The following EEF1A2 variants were observed in gnomAD, a reference collection of about 807,000 sequenced individuals.
The protein encoded by EEF1A2 is elongation factor 1-alpha 2.
A neutral mutation model predicts 39.3 loss-of-function variants in EEF1A2; 5 were observed. The observed-to-expected ratio is 0.13, with a 90% CI of 0.07 to 0.27. The LOEUF (loss-of-function observed/expected upper bound fraction) is 0.27. Among genes scored for constraint, EEF1A2 ranks in the 10% least tolerant of loss-of-function variants. The pLI is 1.00. For synonymous variants in EEF1A2, 287 were observed against 293.7 expected (o/e 0.98, Z 0.23); for missense variants, 218 against 681.4 (o/e 0.32, Z 7.57).
At chr20:63,494,639 C>A (rs150386687) in intron 4 of EEF1A2, among the ~76,000 whole-genome samples, 166 bp downstream of exon 4, 4 of 152,324 alleles carry the variant, frequency 2.6e-5, no homozygotes, top group African/African-American at 9.6e-5. Flanking sequence ...GCATGGGGCT[C>A]CCCGCCGGGC....
intron 4 of EEF1A2, 53 bp from the exon 5 acceptor site, chr20:63,493,340 C>T (rs1022451392): frequency 9.0e-5 from 132 of 1,460,372 alleles, no homozygotes; most frequent in African/African-American, 2.8e-5. Context: ...GGCCTCCCCA[C>T]CCTCAGGCCT....
At position 63,498,370 on chromosome 20, in the gene EEF1A2, C is replaced by T. The variant is rs1420020856; in HGVS notation, c.-71-536G>A. The T allele has an allele frequency of 2.0e-5, 3 of 152,488 alleles. No homozygotes were observed. The highest frequency in any genetic ancestry group is 1.3e-4 in the Admixed American group (2 of 15,292). 9.4% of individuals were successfully genotyped at this position (152,488 alleles called of 1,614,324 possible). On this transcript the variant is annotated intron_variant, in intron 1 of 7. Coordinates refer to ENST00000217182, the MANE Select transcript of EEF1A2 (RefSeq NM_001958.5). The surrounding 1 kb of genome is among the most constrained non-coding windows in gnomAD (Gnocchi z 4.1). ...TGCCCGGCAGGCTGGGCCAGAGCCC[C>T]GACGGAGATGCGCTGCCCAGATTAG...
intron 3 of EEF1A2, 21 bp from the exon 4 acceptor site, chr20:63,495,122 T>C: frequency 6.2e-7 from 1 of 1,600,546 alleles, no homozygotes; most frequent in Non-Finnish European, 8.5e-7. Context: ...GGGGACACAG[T>C]GAGCCCTGCC....
intron 6 of EEF1A2, 152 bp from the exon 7 acceptor site, chr20:63,489,304 C>T: frequency 4.4e-6 from 3 of 685,998 alleles, no homozygotes; most frequent in Non-Finnish European, 7.3e-6. Context: ...TCTGAGGACC[C>T]AGCCCCCAGA....
chr20:63,490,743 G>A lies in EEF1A2; in HGVS notation c.773-8C>T, dbSNP rs2082375074. ...CGGGCACCGTGCCAATGCCTGCAGA[G>A]GGGAGGGGGTGTGAGGGGAAGGTGG... On this transcript the variant is annotated splice_polypyrimidine_tract_variant and splice_region_variant and intron_variant, in intron 5 of 7. Coordinates refer to ENST00000217182, the MANE Select transcript of EEF1A2 (RefSeq NM_001958.5). The A allele has an allele frequency of 1.3e-6, 2 of 1,588,442 alleles. No individual in the cohort carries two copies. Among genetic ancestry groups the A allele is most frequent in the Non-Finnish European group, 1.7e-6 (2 of 1,168,606 alleles).
chr20:63,495,117 C>T lies in EEF1A2; in HGVS notation c.325-16G>A. On this transcript the variant is annotated splice_polypyrimidine_tract_variant and intron_variant, in intron 3 of 7. Coordinates refer to ENST00000217182, the MANE Select transcript of EEF1A2 (RefSeq NM_001958.5). ...CGCAGTCCGCCTGCCCGGCAGGGGA[C>T]ACAGTGAGCCCTGCCCCGCCTGCCT... The T allele has an allele frequency of 6.2e-7, 1 of 1,602,242 alleles. No individual in the cohort carries two copies. Among genetic ancestry groups the T allele is most frequent in the Non-Finnish European group, 8.5e-7 (1 of 1,176,396 alleles).
At chr20:63,494,009 C>T (rs1026587314) in intron 4 of EEF1A2, among the ~76,000 whole-genome samples, 8 of 152,242 alleles carry the variant, frequency 5.3e-5, no homozygotes, top group African/African-American at 1.2e-4. Flanking sequence ...TAAACAACAC[C>T]GAGCCTCGTG....
chr20:63,496,102 T>C (rs2145945640), intron 2 of EEF1A2, 67 bp from the exon 3 acceptor site: 2 of 1,575,660 alleles, frequency 1.3e-6, no homozygotes, highest in Non-Finnish European at 1.7e-6. Flanking sequence ...TGGTGCGAGC[T>C]GCTTGTTACA....
At chr20:63,491,673 GATGT>G (rs375072393) in intron 5 of EEF1A2, among the ~76,000 whole-genome samples, 8 of 151,900 alleles carry the variant, frequency 5.3e-5, no homozygotes, top group Non-Finnish European at 8.8e-5. Flanking sequence ...TGGATGGATG[GATGT>G]ATGAATGGGG....
At chr20:63,495,236 G>T in intron 3 of EEF1A2, 135 bp from the exon 4 acceptor site, 5 of 1,297,022 alleles carry the variant, frequency 3.9e-6, no homozygotes, top group Non-Finnish European at 5.2e-6. Context: ...CCTTGGGGAG[G>T]GAGGCATGGG....
At chr20:63,491,766 G>A (rs1431887537) in intron 5 of EEF1A2, among the ~76,000 whole-genome samples, 3 of 147,256 alleles carry the variant, frequency 2.0e-5, no homozygotes, top group Non-Finnish European at 3.0e-5. Flanking sequence ...GGATGGATTG[G>A]TGGATGGATG....
intron 5 of EEF1A2, among the ~76,000 whole-genome samples, chr20:63,491,966 A>G (rs1481609368): frequency 1.4e-4 from 7 of 51,690 alleles, no homozygotes; most frequent in Non-Finnish European, 1.5e-4. Flanking sequence ...AGGTGGATGG[A>G]TGGATGGATG....
Position 63,494,882 on chromosome 20 carries a change from C to T in EEF1A2, c.544G>A (p.Gly182Ser), listed in dbSNP as rs2145944764. 6.2e-7 allele frequency: 1 copy of T among 1,612,716 alleles called. No individual in the cohort carries two copies. The highest frequency in any genetic ancestry group is 1.1e-5 in the South Asian group (1 of 91,088). The change falls in exon 4 of 8, where the codon GGC becomes AGC. Residue 182 changes from glycine (G) to serine (S), a missense_variant. By Grantham distance (56) the Gly-to-Ser change is moderately conservative (BLOSUM62 0). Coordinates refer to ENST00000217182, the MANE Select transcript of EEF1A2 (RefSeq NM_001958.5). ...AAGGGCACGGTGGCCGGGTTGTAGC[C>T]GATCTTCTTGATGTAGGCGCTGACT... ...KEVSAYIKKIGYNPATVPFVP... is the reference protein window; with the variant it reads ...KEVSAYIKKISYNPATVPFVP...
chr20:63,488,268 G>A lies in EEF1A2; in HGVS notation c.*30C>T, dbSNP rs1287183569. On this transcript the variant is annotated 3_prime_UTR_variant, in exon 8 of 8. Coordinates refer to ENST00000217182, the MANE Select transcript of EEF1A2 (RefSeq NM_001958.5). ...CCGGGGTTCGGAGCGCGGCACCGCCGGGGAGGGTCGCGCCGCGGGCGCCCG... is the reference window on the plus strand; with the variant it reads ...CCGGGGTTCGGAGCGCGGCACCGCCAGGGAGGGTCGCGCCGCGGGCGCCCG... The A allele has an allele frequency of 9.0e-7, 1 of 1,114,264 alleles. No homozygotes were observed. Among genetic ancestry groups the A allele is most frequent in the Non-Finnish European group, 1.1e-6 (1 of 902,160 alleles). The allele number at this position is 1,114,264 out of a possible 1,614,324, so 69.0% of individuals were successfully genotyped here.
chr20:63,494,449 A>T (rs55845303), intron 4 of EEF1A2, among the ~76,000 whole-genome samples: 27,331 of 152,264 alleles, frequency 0.18, 2,612 homozygotes, highest in Non-Finnish European at 0.2. Flanking sequence ...GGTGTCCAGG[A>T]CCAGGACAAT....
intron 4 of EEF1A2, 57 bp downstream of exon 4, chr20:63,494,748 C>T: frequency 6.4e-7 from 1 of 1,559,524 alleles, no homozygotes; most frequent in East Asian, 2.3e-5. Context: ...GTGCCTCGCT[C>T]TGGGCCAGGG....
intron 6 of EEF1A2, 23 bp from the exon 7 acceptor site, chr20:63,489,175 C>A: frequency 1.2e-6 from 2 of 1,605,944 alleles, no homozygotes; most frequent in Middle Eastern, 3.3e-4. Flanking sequence ...CCACAGGCGG[C>A]CATCAGGCAC....
At chr20:63,488,533 C>T (rs910368368) in intron 7 of EEF1A2, 108 bp from the exon 8 acceptor site, 1 of 1,285,378 alleles carries the variant, frequency 7.8e-7, no homozygotes, top group Non-Finnish European at 1.0e-6. Flanking sequence ...GTCCTCGGAA[C>T]ACGCTTAGCG....
rs144340527 is a variant in EEF1A2 at position 63,497,574 on chromosome 20, G to A, written c.144+46C>T. ...GCCAAGCCTGGCCACCACGGGAGTT[G>A]GGGGTTCCTTCTCAGGGGGCCAAGA... is the stretch of plus-strand genomic sequence containing the variant. On this transcript the variant is annotated intron_variant, in intron 2 of 7. Transcript: ENST00000217182. The surrounding 1 kb of genome is among the most constrained non-coding windows in gnomAD (Gnocchi z 7.3). 2.9e-4 allele frequency: 460 copies of A among 1,584,078 alleles called. No individual in the cohort carries two copies. The African/African-American group carries it at 4.7e-3, about 16-fold the overall frequency.
Sources: allele counts gnomAD v4.1 joint callset (sites outside exome capture counted in the v4.1 genomes callset), GRCh38; gene constraint gnomAD v4.1.1; non-coding constraint Gnocchi (gnomAD v3.1); transcripts MANE v1.5; gene names NCBI Gene and HGNC (gene_info 2026-07-23, HGNC 2026-07-21).